GALNT13: variants seen among roughly 807,000 people sequenced by gnomAD.
GALNT13 encodes the protein polypeptide N-acetylgalactosaminyltransferase 13.
In GALNT13, 28 loss-of-function variants were observed where a neutral mutation model predicts 64.2. The ratio of observed to expected loss-of-function variants is 0.44; its 90% CI spans 0.32 to 0.60. The LOEUF (loss-of-function observed/expected upper bound fraction) is 0.60. GALNT13 is among the 20% of genes least tolerant of loss of function. The pLI is 0.05. For synonymous variants in GALNT13, 214 were observed against 224.6 expected (o/e 0.95, Z 0.42); for missense variants, 577 against 669.8 (o/e 0.86, Z 1.53).
At position 154,302,715 on chromosome 2, in the gene GALNT13, A is replaced by G. The variant is rs558001826; in HGVS notation, c.1156+1126A>G. Among the ~76,000 whole-genome samples, 10 of 152,340 alleles carry G rather than the reference A, an allele frequency of 6.6e-5. No individual in the cohort carries two copies. In the East Asian group the frequency reaches 1.9e-3, roughly 29 times the overall value. ...ATCAGTGAACTCATATGAGGGATATATTGGTTTGGTCAAGTTATTGTCTAA... is the reference window on the plus strand; with the variant it reads ...ATCAGTGAACTCATATGAGGGATATGTTGGTTTGGTCAAGTTATTGTCTAA... On this transcript the variant is annotated intron_variant, in intron 9 of 12. Coordinates refer to ENST00000392825, the MANE Select transcript of GALNT13 (RefSeq NM_052917.4).
the GALNT13 span, among the ~76,000 whole-genome samples, chr2:153,183,368 A>G: frequency 6.6e-6 from 1 of 152,058 alleles, no homozygotes; most frequent in Non-Finnish European, 1.5e-5. Context: ...GACTCTAGGT[A>G]TTAGACCTTT....
chr2:153,203,240 T>C, the GALNT13 span, among the ~76,000 whole-genome samples: 1 of 152,218 alleles, frequency 6.6e-6, no homozygotes, highest in Non-Finnish European at 1.5e-5. Context: ...AACAGAGCAA[T>C]TTAGTTTTTC....
chr2:154,282,439 C>T (rs577730282), intron 8 of GALNT13, among the ~76,000 whole-genome samples: 2 of 152,258 alleles, frequency 1.3e-5, no homozygotes, highest in East Asian at 3.9e-4. Context: ...AGGGTTATAT[C>T]ATTCCCATCT....
the GALNT13 span, among the ~76,000 whole-genome samples, chr2:153,362,201 G>C: frequency 6.6e-6 from 1 of 152,100 alleles, no homozygotes; most frequent in Non-Finnish European, 1.5e-5. Flanking sequence ...GGCCTGCCTT[G>C]CAAGAGCTCC....
intron 8 of GALNT13, among the ~76,000 whole-genome samples, chr2:154,284,129 T>C (rs954915211): frequency 6.6e-6 from 1 of 152,328 alleles, no homozygotes; most frequent in African/African-American, 2.4e-5. Flanking sequence ...TGATGAGATG[T>C]TAAAATTATA....
the GALNT13 span, among the ~76,000 whole-genome samples, chr2:153,341,876 G>C: frequency 1.3e-5 from 2 of 152,100 alleles, no homozygotes. Flanking sequence ...CCACCTGGAG[G>C]CTGGGTGGGG....
chr2:154,177,458 T>C (rs1410624690), intron 4 of GALNT13, among the ~76,000 whole-genome samples: 11 of 152,088 alleles, frequency 7.2e-5, no homozygotes, highest in Non-Finnish European at 1.6e-4. Flanking sequence ...AAAATACTCT[T>C]GTGATACTAC....
chr2:153,357,663 G>A, the GALNT13 span, among the ~76,000 whole-genome samples: 1 of 152,076 alleles, frequency 6.6e-6, no homozygotes, highest in Admixed American at 6.5e-5. Context: ...TGGAAGTGGA[G>A]TCTTCAGCTG....
At chr2:153,090,089 A>C in the GALNT13 span, among the ~76,000 whole-genome samples, 3 of 152,054 alleles carry the variant, frequency 2.0e-5, no homozygotes, top group Non-Finnish European at 4.4e-5. Flanking sequence ...GTCTGGAAAC[A>C]CTTTTCAGTC....
intron 8 of GALNT13, among the ~76,000 whole-genome samples, chr2:154,283,058 C>T (rs963399787): frequency 2.0e-5 from 3 of 152,090 alleles, no homozygotes; most frequent in African/African-American, 7.2e-5. Flanking sequence ...ACTTTCATGC[C>T]TTTTGTGTTT....
the GALNT13 span, among the ~76,000 whole-genome samples, chr2:153,436,632 T>G: frequency 6.6e-6 from 1 of 152,244 alleles, no homozygotes; most frequent in African/African-American, 2.4e-5. Flanking sequence ...GTTTGTAGTA[T>G]TCTCTGATGG....
chr2:153,794,207 C>T, the GALNT13 span, among the ~76,000 whole-genome samples: 1 of 151,882 alleles, frequency 6.6e-6, no homozygotes, highest in Non-Finnish European at 1.5e-5. Context: ...TAAACTTCAC[C>T]TAAAATTTAA....
chr2:154,342,329 A>G (rs548356004), intron 9 of GALNT13, among the ~76,000 whole-genome samples: 76 of 152,198 alleles, frequency 5.0e-4, no homozygotes, highest in Admixed American at 5.9e-4. Context: ...TCAAAATGTG[A>G]TTGAGTTCTT....
chr2:153,570,075 G>T, the GALNT13 span, among the ~76,000 whole-genome samples: 3 of 152,236 alleles, frequency 2.0e-5, no homozygotes, highest in Admixed American at 2.0e-4. Context: ...GTGTGCAAGT[G>T]TTCCCTTTTC....
chr2:153,070,773 ACT>A, the GALNT13 span, among the ~76,000 whole-genome samples: 1 of 151,902 alleles, frequency 6.6e-6, no homozygotes, highest in African/African-American at 2.4e-5. Flanking sequence ...CACACATATG[ACT>A]CTGTATATAT....
intron 9 of GALNT13, among the ~76,000 whole-genome samples, chr2:154,327,160 G>A (rs531164117): frequency 3.3e-4 from 50 of 152,030 alleles, no homozygotes; most frequent in African/African-American, 1.1e-3. Flanking sequence ...GAGATCTGAC[G>A]GTTTTATAAG....
At chr2:153,163,360 C>T in the GALNT13 span, among the ~76,000 whole-genome samples, 3 of 152,168 alleles carry the variant, frequency 2.0e-5, 1 homozygote, top group African/African-American at 4.8e-5. Flanking sequence ...TTCTTGGTTT[C>T]GGTCTTTAAA....
intron 2 of GALNT13, among the ~76,000 whole-genome samples, chr2:153,913,987 C>T (rs925656099): frequency 6.6e-6 from 1 of 152,112 alleles, no homozygotes; most frequent in African/African-American, 2.4e-5. Context: ...GTTTAAATAT[C>T]GCCCTTGCAT....
Position 153,944,509 on chromosome 2 carries a change from T to C in GALNT13, c.12T>C (p.Phe4=), listed in dbSNP as rs1472427309. The stretch of plus-strand genomic sequence containing the variant: ...AATCAAGGAAAGACATGAGGAGATT[T>C]GTCTACTGCAAGGTGGTTCTAGCCA... MRR[F]VYCKVVLATS... is the part of the protein sequence containing the mutation. Residue 4 remains phenylalanine (F), a synonymous_variant, in exon 3 of 13, where the codon TTT becomes TTC. Coordinates refer to ENST00000392825, the MANE Select transcript of GALNT13 (RefSeq NM_052917.4). 6.2e-7 allele frequency: 1 copy of C among 1,612,902 alleles called. No individual in the cohort carries two copies. The highest frequency in any genetic ancestry group is 8.5e-7 in the Non-Finnish European group (1 of 1,179,422).
Sources: allele counts gnomAD v4.1 joint callset (sites outside exome capture counted in the v4.1 genomes callset), GRCh38; gene constraint gnomAD v4.1.1; transcripts MANE v1.5; gene names NCBI Gene and HGNC (gene_info 2026-07-23, HGNC 2026-07-21).